Variants in SDHA observed in about 807,000 individuals in gnomAD.
The protein encoded by SDHA is succinate dehydrogenase [ubiquinone] flavoprotein subunit, mitochondrial.
SDHA carries 48 observed loss-of-function variants against 78.4 expected under a neutral mutation model. That is an observed-to-expected ratio of 0.61 (90% CI 0.49 to 0.78). SDHA has a LOEUF of 0.78. SDHA is among the 30% of genes least tolerant of loss of function. The probability of loss-of-function intolerance (pLI) is 0.00; values close to 1 mark genes in which losing one functional copy is unlikely to be tolerated. For missense variants in SDHA, 680 were observed against 892.7 expected (o/e 0.76, Z 3.04); for synonymous variants, 326 against 353.9 (o/e 0.92, Z 0.88).
chr5:240,682 C>T (rs1448063181), intron 11 of SDHA, among the ~76,000 whole-genome samples: 2 of 152,116 alleles, frequency 1.3e-5, no homozygotes, highest in Non-Finnish European at 2.9e-5. Context: ...AACCCCACCC[C>T]TCCCGCTTTT....
rs1205244370 is a variant in SDHA, at chr5:251,473, G to A, written c.1794+5G>A. On this transcript the variant is annotated splice_donor_5th_base_variant and intron_variant, in intron 13 of 14. Coordinates refer to ENST00000264932, the MANE Select transcript of SDHA (RefSeq NM_004168.4). The stretch of plus-strand genomic sequence containing the variant: ...CATGCCAGGGAAGACTACAAGGTGG[G>A]CCTTCTCACCACGCCCACCTGCACC... 6.2e-7 allele frequency: 1 copy of A among 1,613,798 alleles called. No individual in the cohort carries two copies.
intron 10 of SDHA, among the ~76,000 whole-genome samples, chr5:239,773 A>T (rs984123029): frequency 1.4e-5 from 2 of 144,206 alleles, no homozygotes; most frequent in Non-Finnish European, 3.0e-5. Flanking sequence ...TATACATTTA[A>T]TTTTTTTTTT....
chr5:226,375 T>TA (rs1001974908), intron 5 of SDHA, among the ~76,000 whole-genome samples: 1 of 152,218 alleles, frequency 6.6e-6, no homozygotes, highest in African/African-American at 2.4e-5. Context: ...CTCAGGTCTG[T>TA]AATCCCAGCA....
downstream of SDHA, among the ~76,000 whole-genome samples, chr5:258,798 T>C (rs1387630008): frequency 1.2e-5 from 1 of 81,552 alleles, no homozygotes; most frequent in African/African-American, 8.5e-5. Context: ...GAGCTCCGCC[T>C]CCCGTCACAG....
intron 11 of SDHA, 105 bp from the exon 12 acceptor site, chr5:250,887 G>T (rs571629722): frequency 1.9e-4 from 187 of 964,794 alleles, no homozygotes; most frequent in Admixed American, 2.9e-4. Context: ...TTTAATTTAT[G>T]TAACTTTTAA....
chr5:226,928 CAAAAA>C (rs554077502), intron 5 of SDHA, among the ~76,000 whole-genome samples: 2 of 82,512 alleles, frequency 2.4e-5, no homozygotes, highest in Non-Finnish European at 5.1e-5. Flanking sequence ...GACTCCATCT[CAAAAA>C]AAAAAAAAAA....
At chr5:257,786 G>T (rs542603484), downstream of SDHA, among the ~76,000 whole-genome samples, 3 of 89,382 alleles carry the variant, frequency 3.4e-5, no homozygotes, top group South Asian at 3.9e-4. Context: ...GCATTACCTT[G>T]TGAGCTCCAC....
rs1735856302 is a variant in SDHA, at chr5:237,508, A to G, written c.1432+909A>G. Among the ~76,000 whole-genome samples the G allele has an allele frequency of 1.5e-5, 2 of 133,466 alleles. 1 individual carries two copies. Among genetic ancestry groups the G allele is most frequent in the African/African-American group, 7.4e-5 (2 of 27,154 alleles). 87.6% of individuals were successfully genotyped at this position (133,466 alleles called of 152,430 possible). ...GTCTTACGTGCACTAAGAACGGGGC[A>G]GTTAGCATCTCTCCCACCTCCAGAC... On this transcript the variant is annotated intron_variant, in intron 10 of 14. Transcript: ENST00000264932.
In SDHA at chr5:218,348, C is replaced by T. The variant is rs1423497370; in HGVS notation, c.-8C>T. 6.9e-6 allele frequency: 10 copies of T among 1,454,702 alleles called. No homozygotes were observed. Among genetic ancestry groups the T allele is most frequent in the Non-Finnish European group, 8.1e-6 (9 of 1,112,940 alleles). The allele number at this position is 1,454,702 out of a possible 1,614,324, so 90.1% of individuals were successfully genotyped here. On this transcript the variant is annotated 5_prime_UTR_variant, in exon 1 of 15. Coordinates refer to ENST00000264932, the MANE Select transcript of SDHA (RefSeq NM_004168.4). ...GACTGGCGGGACTGCGCGGCGGCAA[C>T]AGCAGACATGTCGGGGGTCCGGGGC...
intron 11 of SDHA, among the ~76,000 whole-genome samples, chr5:248,421 T>A (rs1371666765): frequency 6.6e-6 from 1 of 152,256 alleles, no homozygotes; most frequent in Non-Finnish European, 1.5e-5. Flanking sequence ...TAATGGTAGC[T>A]GTGATAGCAG....
intron 11 of SDHA, among the ~76,000 whole-genome samples, chr5:248,045 C>A (rs1300884160): frequency 6.6e-6 from 1 of 152,224 alleles, no homozygotes; most frequent in Middle Eastern, 3.2e-3. Context: ...AGCAGCTGAA[C>A]AGCATCTACA....
chr5:223,538 C>T lies in SDHA; in HGVS notation c.120C>T (p.Asn40=), dbSNP rs1579379803. ...TRGFHFTVDG[N]KRASAKVSDS... ...GTTTTCACTTCACTGTTGATGGGAA[C>T]AAGAGGGCATCTGCTAAAGTTTCAG... Residue 40 remains asparagine (N), a synonymous_variant, in exon 2 of 15, where the codon AAC becomes AAT. Transcript: ENST00000264932. 2.5e-6 allele frequency: 4 copies of T among 1,613,680 alleles called. No individual in the cohort carries two copies. Among genetic ancestry groups the T allele is most frequent in the Non-Finnish European group, 3.4e-6 (4 of 1,179,580 alleles).
At chr5:260,506 C>T (rs1182159404), downstream of SDHA, among the ~76,000 whole-genome samples, 4 of 3,478 alleles carry the variant, frequency 1.2e-3, no homozygotes, top group South Asian at 0.021. Context: ...ACAGCATTAC[C>T]GTGTGAGCTC....
intron 9 of SDHA, chr5:235,652 G>A: frequency 2.5e-6 from 1 of 399,686 alleles, no homozygotes; most frequent in Non-Finnish European, 4.7e-6. Context: ...TCATTCCTTT[G>A]AGTGGTTTGT....
downstream of SDHA, among the ~76,000 whole-genome samples, chr5:259,526 C>T (rs1407044714): frequency 1.3e-4 from 4 of 31,852 alleles, 1 homozygote; most frequent in Non-Finnish European, 5.9e-5. Context: ...GTGTGAGCTC[C>T]GCCTCCCGCC....
At chr5:231,119 C>T in intron 7 of SDHA, 119 bp downstream of exon 7, 1 of 1,215,506 alleles carries the variant, frequency 8.2e-7, no homozygotes, top group Non-Finnish European at 1.2e-6. Context: ...AGATCAGCTT[C>T]CTCAGCTCTC....
intron 1 of SDHA, among the ~76,000 whole-genome samples, chr5:219,414 A>G (rs1298291105): frequency 6.6e-6 from 1 of 152,242 alleles, no homozygotes; most frequent in African/African-American, 2.4e-5. Flanking sequence ...CTTAATTACA[A>G]AGTAATTTTA....
At chr5:232,208 TG>T (rs1735449236) in intron 7 of SDHA, among the ~76,000 whole-genome samples, 1 of 152,002 alleles carries the variant, frequency 6.6e-6, no homozygotes, top group Admixed American at 6.6e-5. Flanking sequence ...TTTGTTGTAG[TG>T]TTTTTTTTTT....
At chr5:264,905 T>C in the SDHA span, among the ~76,000 whole-genome samples, 2 of 152,236 alleles carry the variant, frequency 1.3e-5, no homozygotes, top group African/African-American at 2.4e-5. Flanking sequence ...ATTATGTTAA[T>C]GCTAAAACTA....
Sources: gnomAD v4.1 joint callset for allele counts (sites outside exome capture counted in the v4.1 genomes callset) on GRCh38, gnomAD v4.1.1 for gene constraint, MANE v1.5 for transcripts, NCBI Gene and HGNC (gene_info 2026-07-23, HGNC 2026-07-21) for gene names.